Variants in CDC40 observed in about 807,000 individuals in gnomAD.
The protein encoded by CDC40 is pre-mRNA-processing factor 17.
CDC40 carries 27 observed loss-of-function variants against 80.6 expected under a neutral mutation model. The observed-to-expected ratio is 0.33, with a 90% CI of 0.25 to 0.46. The LOEUF (loss-of-function observed/expected upper bound fraction) is 0.46, where lower values mean the gene tolerates loss of function less well. Among genes scored for constraint, CDC40 ranks in the 20% least tolerant of loss-of-function variants. The pLI is 1.00. For missense variants in CDC40, 486 were observed against 694.1 expected (o/e 0.70, Z 3.37); for synonymous variants, 221 against 232.6 (o/e 0.95, Z 0.45).
At chr6:110,210,611 G>T in intron 5 of CDC40, 96 bp from the exon 6 acceptor site, 1 of 431,052 alleles carries the variant, frequency 2.3e-6, no homozygotes, top group Non-Finnish European at 4.0e-6. Context: ...ACTCGGACCA[G>T]ATATGTAGAA....
chr6:110,212,652 T>A (rs972830250), intron 7 of CDC40, among the ~76,000 whole-genome samples: 1 of 152,230 alleles, frequency 6.6e-6, no homozygotes, highest in African/African-American at 2.4e-5. Flanking sequence ...GTTATCACAC[T>A]TCAGAGATTA....
chr6:110,228,389 A>G (rs1166557237), intron 13 of CDC40, among the ~76,000 whole-genome samples: 2 of 151,990 alleles, frequency 1.3e-5, no homozygotes, highest in African/African-American at 2.4e-5. Context: ...CTTTTTTTGT[A>G]TAGTTTTATT....
At position 110,230,043 on chromosome 6, in the gene CDC40, AAGTGTGTATAGGTGC is replaced by A; in HGVS notation, c.1659_1673del (p.Cys553_Val557del). 1 of 1,612,148 alleles carries A rather than the reference AAGTGTGTATAGGTGC, an allele frequency of 6.2e-7. No homozygotes were observed. On this transcript the variant is annotated inframe_deletion, in exon 15 of 15. Transcript: ENST00000307731. ...TACAGTCGATTTAAAGCTCATGATAAAGTGTGTATAGGTGCAGTGTGGCATCCTCATGAAACTTCT... is the reference window on the plus strand; with the variant it reads ...TACAGTCGATTTAAAGCTCATGATAAAGTGTGGCATCCTCATGAAACTTCT...
At position 110,207,306 on chromosome 6, in the gene CDC40, C is replaced by A. The variant is rs548101805; in HGVS notation, c.407-200C>A. ...CTCCAGCCTGGGTGACAGGGTGAGACCCTATCTCAAAAAAAAAAAAAAAAA... is the reference window on the plus strand; with the variant it reads ...CTCCAGCCTGGGTGACAGGGTGAGAACCTATCTCAAAAAAAAAAAAAAAAA... On this transcript the variant is annotated intron_variant, in intron 3 of 14. Transcript: ENST00000307731. Among the ~76,000 whole-genome samples the A allele has an allele frequency of 1.1e-4, 15 of 140,324 alleles. No individual in the cohort carries two copies. In the East Asian group the frequency reaches 3.0e-3, roughly 28 times the overall value. 92.1% of individuals were successfully genotyped at this position (140,324 alleles called of 152,430 possible).
chr6:110,201,622 A>T lies in CDC40; in HGVS notation c.341A>T (p.Tyr114Phe), dbSNP rs1348861502. Residue 114 changes from tyrosine (Y) to phenylalanine (F), a missense_variant, in exon 3 of 15, where the codon TAT becomes TTT. Transcript: ENST00000307731. ...MAAPRNMLSG[Y>F]AEPAHINDFM... ...GCCCCTAGAAATATGCTTTCTGGATATGCCGAACCAGCTCATATCAATGAT... is the reference window on the plus strand; with the variant it reads ...GCCCCTAGAAATATGCTTTCTGGATTTGCCGAACCAGCTCATATCAATGAT... The T allele has an allele frequency of 6.2e-6, 10 of 1,613,296 alleles. No individual in the cohort carries two copies. The highest frequency in any genetic ancestry group is 1.3e-5 in the African/African-American group (1 of 74,918).
intron 1 of CDC40, among the ~76,000 whole-genome samples, chr6:110,187,072 G>A: frequency 6.6e-6 from 1 of 152,116 alleles, no homozygotes; most frequent in East Asian, 1.9e-4. Flanking sequence ...TCTGCCTCCT[G>A]GGCTTACACC....
chr6:110,197,823 A>G (rs574386882), intron 2 of CDC40, among the ~76,000 whole-genome samples: 13 of 152,326 alleles, frequency 8.5e-5, no homozygotes, highest in African/African-American at 2.9e-4. Context: ...TTCTTTATGC[A>G]TTCAAACATT....
At chr6:110,216,968 G>A (rs145301776) in intron 9 of CDC40, among the ~76,000 whole-genome samples, 90 of 152,232 alleles carry the variant, frequency 5.9e-4, no homozygotes, top group African/African-American at 2.0e-3. Flanking sequence ...TTAGCCAGGC[G>A]TTGTGGTGTG....
At chr6:110,215,563 G>A (rs917040034) in intron 9 of CDC40, among the ~76,000 whole-genome samples, 3 of 152,158 alleles carry the variant, frequency 2.0e-5, no homozygotes, top group Non-Finnish European at 4.4e-5. Context: ...GGGGATCCAC[G>A]TACATTTCAG....
intron 8 of CDC40, 114 bp from the exon 9 acceptor site, chr6:110,215,172 G>A (rs1777682954): frequency 1.3e-6 from 1 of 753,448 alleles, no homozygotes; most frequent in African/African-American, 1.8e-5. Context: ...GATTGAAGCT[G>A]TGCGTTTACA....
chr6:110,201,542 TC>T lies in CDC40; in HGVS notation c.277-15del. ...CTTTCTTATTTTATTTTATTTTTTT[TC>T]TTGTAACATTGCAGTTTGGACCAGA... On this transcript the variant is annotated splice_polypyrimidine_tract_variant and intron_variant, in intron 2 of 14. Transcript: ENST00000307731. 1.3e-6 allele frequency: 2 copies of T among 1,569,028 alleles called. No individual in the cohort carries two copies. Among genetic ancestry groups the T allele is most frequent in the East Asian group, 4.5e-5 (2 of 44,024 alleles).
At chr6:110,180,833 C>T (rs1777176106) in intron 1 of CDC40, among the ~76,000 whole-genome samples, 200 bp downstream of exon 1, 1 of 152,302 alleles carries the variant, frequency 6.6e-6, no homozygotes, top group South Asian at 2.1e-4. Context: ...TGCTCTCTGC[C>T]CTTGCCTCCC....
rs1777932442 is a variant in CDC40, at chr6:110,231,159, G to C, written c.*1028G>C. 6.6e-6 allele frequency: 1 copy of C among 152,156 alleles called. No individual in the cohort carries two copies. The highest frequency in any genetic ancestry group is 1.5e-5 in the Non-Finnish European group (1 of 68,026). 9.4% of individuals were successfully genotyped at this position (152,156 alleles called of 1,614,324 possible). ...AGATGGCTAGGGTTCCCCAGTTTGA[G>C]AAGCAGTGGCCATGGTGAAAAATAG... On this transcript the variant is annotated 3_prime_UTR_variant, in exon 15 of 15. Transcript: ENST00000307731.
intron 1 of CDC40, among the ~76,000 whole-genome samples, chr6:110,181,001 T>G (rs192440637): frequency 1.3e-5 from 2 of 152,346 alleles, no homozygotes; most frequent in Non-Finnish European, 1.5e-5. Context: ...ATTTGTCTTA[T>G]TTTTGAAGAA....
intron 4 of CDC40, among the ~76,000 whole-genome samples, chr6:110,208,381 G>T (rs113309001): frequency 0.013 from 1,939 of 152,256 alleles, 46 homozygotes; most frequent in African/African-American, 0.045. Flanking sequence ...TTGTGACTAT[G>T]ATTCCACAAA....
chr6:110,220,220 T>A (rs1210558239), intron 12 of CDC40, among the ~76,000 whole-genome samples: 3 of 152,134 alleles, frequency 2.0e-5, no homozygotes, highest in Non-Finnish European at 4.4e-5. Context: ...CATAAGATCA[T>A]GGCCCTAGAA....
chr6:110,198,164 T>A (rs1223331691), intron 2 of CDC40, among the ~76,000 whole-genome samples: 2 of 151,616 alleles, frequency 1.3e-5, no homozygotes, highest in African/African-American at 4.8e-5. Flanking sequence ...GAGTACTTTC[T>A]CAAATACCTG....
intron 1 of CDC40, among the ~76,000 whole-genome samples, chr6:110,183,235 G>A (rs1217530295): frequency 6.6e-6 from 1 of 152,092 alleles, no homozygotes; most frequent in East Asian, 1.9e-4. Context: ...TCTTTCCTCT[G>A]GACTGTGAGA....
At chr6:110,225,209 G>A (rs2114673515) in intron 12 of CDC40, among the ~76,000 whole-genome samples, 1 of 152,256 alleles carries the variant, frequency 6.6e-6, no homozygotes, top group East Asian at 1.9e-4. Context: ...GTTAATCAAA[G>A]TATTGGAACT....
Sources: allele counts gnomAD v4.1 joint callset (sites outside exome capture counted in the v4.1 genomes callset), GRCh38; gene constraint gnomAD v4.1.1; transcripts MANE v1.5; gene names NCBI Gene and HGNC (gene_info 2026-07-23, HGNC 2026-07-21).